Variants in PSTPIP2 observed in about 807,000 individuals in gnomAD.
PSTPIP2 encodes the protein proline-serine-threonine phosphatase-interacting protein 2.
Under a neutral mutation model 63.3 loss-of-function variants are expected in PSTPIP2, and 33 were observed. The observed-to-expected ratio is 0.52, with a 90% confidence interval of 0.40 to 0.70. The LOEUF is 0.70. PSTPIP2 is among the 30% of genes least tolerant of loss of function. The probability of loss-of-function intolerance (pLI) is 0.00; values close to 1 mark genes in which losing one functional copy is unlikely to be tolerated. For missense variants in PSTPIP2, 312 were observed against 400.7 expected (o/e 0.78, Z 1.89); for synonymous variants, 125 against 132.7 (o/e 0.94, Z 0.40).
At chr18:46,052,986 C>T (rs1315127602) in intron 1 of PSTPIP2, among the ~76,000 whole-genome samples, 1 of 152,160 alleles carries the variant, frequency 6.6e-6, no homozygotes, top group East Asian at 1.9e-4. Flanking sequence ...TGCAAGTTGA[C>T]CAAAATCTTT....
chr18:46,014,960 G>C (rs1187655232), intron 4 of PSTPIP2, among the ~76,000 whole-genome samples: 1 of 152,164 alleles, frequency 6.6e-6, no homozygotes, highest in Non-Finnish European at 1.5e-5. Flanking sequence ...GACTGAGAAG[G>C]GCTAGGACCA....
At chr18:46,051,449 C>T (rs373892372) in intron 1 of PSTPIP2, among the ~76,000 whole-genome samples, 6 of 151,648 alleles carry the variant, frequency 4.0e-5, no homozygotes, top group African/African-American at 9.7e-5. Context: ...CACTCCACCC[C>T]GGCTACAGAG....
At chr18:46,005,570 A>C (rs9675392) in intron 5 of PSTPIP2, 39 bp from the exon 6 acceptor site, 261,275 of 1,399,498 alleles carry the variant, frequency 0.19, 29,049 homozygotes, top group African/African-American at 0.44. Flanking sequence ...AAAAACACAA[A>C]TCATTATTAA....
Position 45,985,394 on chromosome 18 carries a change from C to T in PSTPIP2, c.*65G>A. The T allele has an allele frequency of 6.2e-7, 1 of 1,608,972 alleles. No homozygotes were observed. Among genetic ancestry groups the T allele is most frequent in the Non-Finnish European group, 8.5e-7 (1 of 1,177,130 alleles). On this transcript the variant is annotated 3_prime_UTR_variant, in exon 15 of 15. Coordinates refer to ENST00000409746, the MANE Select transcript of PSTPIP2 (RefSeq NM_024430.4). ...TGACATAACGTGGCTATAGGTCCTG[C>T]TGCTCTGGGTGCCCTTTCCATATCA...
intron 2 of PSTPIP2, among the ~76,000 whole-genome samples, chr18:46,038,067 A>AT (rs967128987): frequency 1.3e-5 from 2 of 151,434 alleles, no homozygotes; most frequent in Non-Finnish European, 3.0e-5. Context: ...ATGACCAGCA[A>AT]TTTTTTTTTG....
At chr18:46,057,353 G>A (rs1284560007) in intron 1 of PSTPIP2, among the ~76,000 whole-genome samples, 2 of 150,996 alleles carry the variant, frequency 1.3e-5, no homozygotes, top group Non-Finnish European at 2.9e-5. Context: ...TTGAGGCAGA[G>A]TTTCACTGTC....
chr18:46,028,256 T>G (rs911055573), intron 2 of PSTPIP2: 1 of 412,982 alleles, frequency 2.4e-6, no homozygotes, highest in Admixed American at 3.7e-5. Context: ...AGGAGCCGAA[T>G]GAAACTGCAC....
chr18:45,997,598 G>A (rs908379572), intron 9 of PSTPIP2, 151 bp downstream of exon 9: 4 of 28,944 alleles, frequency 1.4e-4, no homozygotes, highest in South Asian at 5.4e-4. Context: ...CCCACCTCCC[G>A]CCCCCTCGTC....
chr18:46,011,327 T>G (rs373373989), intron 4 of PSTPIP2, 40 bp from the exon 5 acceptor site: 34 of 1,426,652 alleles, frequency 2.4e-5, no homozygotes, highest in African/African-American at 4.3e-5. Context: ...GGTCTACATA[T>G]GTCTGAATTA....
At chr18:46,065,756 C>T (rs947164625) in intron 1 of PSTPIP2, among the ~76,000 whole-genome samples, 22 of 151,998 alleles carry the variant, frequency 1.4e-4, no homozygotes, top group African/African-American at 4.6e-4. Flanking sequence ...TAAGCCACCG[C>T]GCCCGGCCAA....
intron 2 of PSTPIP2, chr18:46,029,716 C>T: frequency 1.5e-6 from 1 of 663,588 alleles, no homozygotes; most frequent in Non-Finnish European, 2.7e-6. Flanking sequence ...ATCTTCCTTC[C>T]TGTACAGTAT....
At chr18:46,026,844 G>C (rs1225830557) in intron 2 of PSTPIP2, among the ~76,000 whole-genome samples, 2 of 152,096 alleles carry the variant, frequency 1.3e-5, no homozygotes, top group Non-Finnish European at 2.9e-5. Context: ...ACTATGATAG[G>C]AAGGAAAAGT....
intron 3 of PSTPIP2, 85 bp from the exon 4 acceptor site, chr18:46,016,022 G>C: frequency 6.8e-7 from 1 of 1,460,238 alleles, no homozygotes; most frequent in South Asian, 1.2e-5. Context: ...GCTTCTCTCT[G>C]CCCATATCTT....
intron 1 of PSTPIP2, among the ~76,000 whole-genome samples, chr18:46,054,649 A>G (rs1437208955): frequency 6.7e-6 from 1 of 149,550 alleles, no homozygotes; most frequent in East Asian, 2.0e-4. Context: ...CGCTCTAAAT[A>G]ATAAAACCTA....
rs111672429 is a variant in PSTPIP2 at position 46,030,618 on chromosome 18, C to T, written c.135-5932G>A. 6.8e-3 allele frequency among the ~76,000 whole-genome samples: 1,029 copies of T among 152,314 alleles called. 16 individuals are homozygous for T. Among genetic ancestry groups the T allele is most frequent in the Admixed American group, 0.03 (457 of 15,298 alleles). On this transcript the variant is annotated intron_variant, in intron 2 of 14. Transcript: ENST00000409746. ...AGGCTCAATAATTGTCCTCTTACCACAATTATTCATCCTGAAGATTTTAAT... is the reference window on the plus strand; with the variant it reads ...AGGCTCAATAATTGTCCTCTTACCATAATTATTCATCCTGAAGATTTTAAT...
chr18:45,993,983 G>A (rs908371691), intron 9 of PSTPIP2: 5 of 391,030 alleles, frequency 1.3e-5, no homozygotes, highest in South Asian at 9.0e-5. Flanking sequence ...AGTTCCTACC[G>A]ACATTTCCAA....
At chr18:46,057,600 G>A (rs1908809182) in intron 1 of PSTPIP2, among the ~76,000 whole-genome samples, 1 of 151,920 alleles carries the variant, frequency 6.6e-6, no homozygotes, top group African/African-American at 2.4e-5. Context: ...AAAGCACTGG[G>A]ATTACAGGCG....
In PSTPIP2 at chr18:45,984,799, A is replaced by G. The variant is rs1251183552; in HGVS notation, c.*660T>C. ...CAACTGAAAAAGTGCTGGCAAAAAT[A>G]TTTGGCATCTTAAATTTCAGCATGA... On this transcript the variant is annotated 3_prime_UTR_variant, in exon 15 of 15. Coordinates refer to ENST00000409746, the MANE Select transcript of PSTPIP2 (RefSeq NM_024430.4). The G allele has an allele frequency of 6.6e-6, 1 of 152,250 alleles. No homozygotes were observed. Among genetic ancestry groups the G allele is most frequent in the Non-Finnish European group, 1.5e-5 (1 of 68,060 alleles). The allele number at this position is 152,250 out of a possible 1,614,324, so 9.4% of individuals were successfully genotyped here. A position where few individuals can be genotyped will look rare whatever the true frequency, so the allele number is the denominator to read the frequency against.
At chr18:46,053,345 G>T (rs8096256) in intron 1 of PSTPIP2, among the ~76,000 whole-genome samples, 1 of 152,092 alleles carries the variant, frequency 6.6e-6, no homozygotes, top group African/African-American at 2.4e-5. Flanking sequence ...ACTTATGGGA[G>T]TGAGGATGTT....
Sources: gnomAD v4.1 joint callset for allele counts (sites outside exome capture counted in the v4.1 genomes callset) on GRCh38, gnomAD v4.1.1 for gene constraint, MANE v1.5 for transcripts, NCBI Gene and HGNC (gene_info 2026-07-23, HGNC 2026-07-21) for gene names.